ZNF804A: variants seen among roughly 807,000 people sequenced by gnomAD.
ZNF804A encodes zinc finger protein 804A.
In ZNF804A, 2 loss-of-function variants were observed where a neutral mutation model predicts 16.5. The ratio of observed to expected loss-of-function variants is 0.12; its 90% CI spans 0.05 to 0.38. ZNF804A has a LOEUF of 0.38. Among genes scored for constraint, ZNF804A ranks in the 10% least tolerant of loss-of-function variants. The pLI, the probability that ZNF804A is intolerant of heterozygous loss-of-function variation, is 0.99. For synonymous variants in ZNF804A, 534 were observed against 489.6 expected (o/e 1.09, Z -1.20); for missense variants, 1,473 against 1,390.7 (o/e 1.06, Z -0.94).
intron 1 of ZNF804A, among the ~76,000 whole-genome samples, chr2:184,726,631 TA>T (rs974415561): frequency 3.3e-5 from 5 of 151,544 alleles, no homozygotes; most frequent in Non-Finnish European, 7.4e-5. Context: ...CAGTGACAAT[TA>T]AAAAAACAGT....
At chr2:184,791,034 C>T (rs1210103911) in intron 1 of ZNF804A, among the ~76,000 whole-genome samples, 1 of 152,168 alleles carries the variant, frequency 6.6e-6, no homozygotes, top group African/African-American at 2.4e-5. Flanking sequence ...ATATATCTTT[C>T]TCTACCCTTT....
At chr2:184,756,174 TA>T (rs1450317820) in intron 1 of ZNF804A, among the ~76,000 whole-genome samples, 1 of 152,070 alleles carries the variant, frequency 6.6e-6, no homozygotes, top group African/African-American at 2.4e-5. Flanking sequence ...TTTTATATTG[TA>T]TTTTTTTTCT....
intron 1 of ZNF804A, among the ~76,000 whole-genome samples, chr2:184,787,043 TC>T (rs1246429907): frequency 6.6e-6 from 1 of 151,886 alleles, no homozygotes; most frequent in African/African-American, 2.4e-5. Context: ...GGGTTGGGCT[TC>T]TAGTATACCC....
At chr2:184,833,822 T>C (rs1285116020) in intron 1 of ZNF804A, among the ~76,000 whole-genome samples, 7 of 152,054 alleles carry the variant, frequency 4.6e-5, no homozygotes. Flanking sequence ...CCATGGCACA[T>C]GTGTACCTAC....
At chr2:184,736,802 T>C (rs1693621527) in intron 1 of ZNF804A, among the ~76,000 whole-genome samples, 1 of 151,964 alleles carries the variant, frequency 6.6e-6, no homozygotes, top group South Asian at 2.1e-4. Context: ...GGTGATCTCA[T>C]TTATAAATAA....
intron 1 of ZNF804A, among the ~76,000 whole-genome samples, chr2:184,610,229 C>G (rs1691214527): frequency 6.6e-6 from 1 of 152,216 alleles, no homozygotes; most frequent in Non-Finnish European, 1.5e-5. Context: ...AGTCCAAACC[C>G]TTTACCTTGG....
intron 2 of ZNF804A, among the ~76,000 whole-genome samples, chr2:184,894,845 C>G (rs2105824160): frequency 6.6e-6 from 1 of 152,054 alleles, no homozygotes; most frequent in South Asian, 2.1e-4. Flanking sequence ...GACACCGCGC[C>G]CAGCTAATTT....
At chr2:184,863,493 C>T (rs1695830111) in intron 1 of ZNF804A, among the ~76,000 whole-genome samples, 1 of 151,684 alleles carries the variant, frequency 6.6e-6, no homozygotes, top group African/African-American at 2.4e-5. Context: ...AACCTCCCCA[C>T]TTTTGTAGAC....
intron 2 of ZNF804A, among the ~76,000 whole-genome samples, chr2:184,911,313 G>A (rs999640048): frequency 4.6e-5 from 7 of 151,596 alleles, no homozygotes; most frequent in East Asian, 2.0e-4. Flanking sequence ...TTTGCTCTTC[G>A]GTTCCATTTG....
intron 1 of ZNF804A, among the ~76,000 whole-genome samples, chr2:184,762,763 A>G (rs577699336): frequency 4.1e-4 from 62 of 152,192 alleles, no homozygotes; most frequent in African/African-American, 1.4e-3. Flanking sequence ...TTTATTTGCT[A>G]TTTATCAATG....
intron 1 of ZNF804A, among the ~76,000 whole-genome samples, chr2:184,777,070 C>A (rs1694299793): frequency 6.6e-6 from 1 of 151,464 alleles, no homozygotes; most frequent in Admixed American, 6.6e-5. Context: ...TTCCAGCACA[C>A]CCTCAGAAAA....
At chr2:184,881,853 G>A (rs974156939) in intron 2 of ZNF804A, among the ~76,000 whole-genome samples, 2 of 151,952 alleles carry the variant, frequency 1.3e-5, no homozygotes, top group Admixed American at 1.3e-4. Flanking sequence ...TAAGTACATA[G>A]AACAGTAACC....
intron 2 of ZNF804A, among the ~76,000 whole-genome samples, chr2:184,918,756 T>C (rs1018730502): frequency 1.3e-5 from 2 of 152,198 alleles, no homozygotes; most frequent in Non-Finnish European, 2.9e-5. Flanking sequence ...GACTTTACTA[T>C]ACACTTATTT....
chr2:184,794,513 T>C lies in ZNF804A; in HGVS notation c.112-71856T>C, dbSNP rs143737193. ...TATAGATTTTGGAGATTTCTCCCAG[T>C]CTGTGAGTTGTCTGTTTACTGACTT... On this transcript the variant is annotated intron_variant, in intron 1 of 3. Transcript: ENST00000302277. 3.3e-5 allele frequency among the ~76,000 whole-genome samples: 5 copies of C among 152,230 alleles called. No homozygotes were observed. The East Asian group carries it at 9.6e-4, about 29-fold the overall frequency.
chr2:184,620,160 C>A (rs915540955), intron 1 of ZNF804A, among the ~76,000 whole-genome samples: 1 of 151,700 alleles, frequency 6.6e-6, no homozygotes, highest in Non-Finnish European at 1.5e-5. Context: ...AAAGTAATCA[C>A]ACTTAATGAT....
At chr2:184,670,739 A>T (rs944592708) in intron 1 of ZNF804A, among the ~76,000 whole-genome samples, 1 of 152,072 alleles carries the variant, frequency 6.6e-6, no homozygotes, top group African/African-American at 2.4e-5. Flanking sequence ...TATTGCACTC[A>T]TATGTCTTTT....
At chr2:184,706,257 T>G (rs555372709) in intron 1 of ZNF804A, among the ~76,000 whole-genome samples, 1 of 152,310 alleles carries the variant, frequency 6.6e-6, no homozygotes, top group African/African-American at 2.4e-5. Flanking sequence ...TGAGGCTGTC[T>G]CAGAAAGAGG....
chr2:184,618,402 G>A (rs560077289), intron 1 of ZNF804A, among the ~76,000 whole-genome samples: 3 of 152,102 alleles, frequency 2.0e-5, no homozygotes, highest in South Asian at 2.1e-4. Flanking sequence ...GATTATATAC[G>A]CACGAAGTAG....
chr2:184,829,915 A>C lies in ZNF804A; in HGVS notation c.112-36454A>C, dbSNP rs1284452906. On this transcript the variant is annotated intron_variant, in intron 1 of 3. Coordinates refer to ENST00000302277, the MANE Select transcript of ZNF804A (RefSeq NM_194250.2). Reference sequence around the variant, plus strand: ...TGTCTCTACCAAAAAAAAAAAAAAAAAAAAAAACAAAAACAAAAAAAAAAA... The same window carrying C: ...TGTCTCTACCAAAAAAAAAAAAAAACAAAAAAACAAAAACAAAAAAAAAAA... Among the ~76,000 whole-genome samples, 30 of 106,722 alleles carry C rather than the reference A, an allele frequency of 2.8e-4. 1 individual carries two copies. The highest frequency in any genetic ancestry group is 1.1e-3 in the African/African-American group (18 of 16,906). The allele number at this position is 106,722 out of a possible 152,430, so 70.0% of individuals were successfully genotyped here.
Sources: allele counts gnomAD v4.1 joint callset (sites outside exome capture counted in the v4.1 genomes callset), GRCh38; gene constraint gnomAD v4.1.1; transcripts MANE v1.5; gene names NCBI Gene and HGNC (gene_info 2026-07-23, HGNC 2026-07-21).